CELF1: variants seen among roughly 807,000 people sequenced by gnomAD.
CELF1 encodes the protein 50 kDa nuclear polyadenylated RNA-binding protein.
In CELF1, 10 loss-of-function variants were observed where a neutral mutation model predicts 61.8. The observed-to-expected ratio is 0.16, with a 90% CI of 0.10 to 0.27. The LOEUF is 0.27. Ranked by LOEUF, CELF1 falls within the 10% of genes least tolerant of loss-of-function variation. The pLI is 1.00. For missense variants in CELF1, 380 were observed against 639.1 expected, an observed-to-expected ratio of 0.59 and a Z score of 4.37; for synonymous variants, 236 against 225.1, an observed-to-expected ratio of 1.05 and a Z score of -0.43.
chr11:47,475,475 A>G lies in CELF1; in HGVS notation c.1134T>C (p.Asn378=). 1 of 1,614,066 alleles carries G rather than the reference A, an allele frequency of 6.2e-7. No individual in the cohort carries two copies. The change falls in exon 13 of 15, where the codon AAT becomes AAC. Residue 378 remains asparagine (N), a synonymous_variant. Transcript: ENST00000687097. Reference sequence around the variant, plus strand: ...GGGCCTCCATGGTGCTCCCGGTGCCATTGGAAAGGCCACTGCTGCCCAGGC... The same window carrying G: ...GGGCCTCCATGGTGCTCCCGGTGCCGTTGGAAAGGCCACTGCTGCCCAGGC... ...NGGLGSSGLS[N]GTGSTMEALT...
chr11:47,534,146 A>G (rs987393338), intron 1 of CELF1, among the ~76,000 whole-genome samples: 5 of 144,886 alleles, frequency 3.5e-5, no homozygotes, highest in Non-Finnish European at 7.4e-5. Flanking sequence ...CTCCTGCCTC[A>G]GCCTCCGAAG....
intron 6 of CELF1, among the ~76,000 whole-genome samples, chr11:47,484,746 T>C (rs1431446536): frequency 6.6e-6 from 1 of 152,230 alleles, no homozygotes; most frequent in Admixed American, 6.5e-5. Flanking sequence ...TGGCGCGATC[T>C]CGGCTCACCG....
chr11:47,545,865 GTC>G lies in CELF1; in HGVS notation c.-154+7125_-154+7126del, dbSNP rs1162225875. 7.6e-3 allele frequency among the ~76,000 whole-genome samples: 470 copies of G among 61,540 alleles called. 2 individuals carry two copies. The highest frequency in any genetic ancestry group is 0.014 in the Non-Finnish European group (361 of 26,058). 40.4% of individuals were successfully genotyped at this position (61,540 alleles called of 152,430 possible). A position where few individuals can be genotyped will look rare whatever the true frequency, so the allele number is the denominator to read the frequency against. Reference sequence around the variant, plus strand: ...CATATGTATACGTGTGTGTGTGTGTGTCTGCGTGTGTGTGTGTGTGTGTGTGT... The same window carrying G: ...CATATGTATACGTGTGTGTGTGTGTGTGCGTGTGTGTGTGTGTGTGTGTGT... On this transcript the variant is annotated intron_variant, in intron 1 of 14. Transcript: ENST00000687097.
In CELF1 at chr11:47,487,080, A is replaced by C. The variant is rs2087817861; in HGVS notation, c.342+79T>G. On this transcript the variant is annotated intron_variant, in intron 5 of 14. Coordinates refer to ENST00000687097, the MANE Select transcript of CELF1 (RefSeq NM_001376376.1). ...TTACCTTTTCCCCAAAATGGTTTTC[A>C]GTGTGTGTCTGATATGTGTAAGTAT... is the stretch of plus-strand genomic sequence containing the variant. 1.5e-5 allele frequency: 17 copies of C among 1,156,454 alleles called. No homozygotes were observed. The South Asian group carries it at 2.2e-4, about 15-fold the overall frequency. 71.6% of individuals were successfully genotyped at this position (1,156,454 alleles called of 1,614,324 possible).
rs775485231 is a variant in CELF1, at chr11:47,488,955, C to T, written c.141G>A (p.Val47=). The T allele has an allele frequency of 1.2e-6, 2 of 1,612,920 alleles. No homozygotes were observed. The highest frequency in any genetic ancestry group is 1.7e-6 in the Non-Finnish European group (2 of 1,179,518). ...QPDLDAIKMF[V]GQVPRTWSEK... ...CAGACCAGGTCCTTGGAACCTGGCC[C>T]ACAAACATCTTGATAGCATCAAGAT... Residue 47 remains valine (V), a synonymous_variant, in exon 4 of 15, where the codon GTG becomes GTA. Transcript: ENST00000687097.
chr11:47,514,365 G>C (rs536872376), intron 1 of CELF1, among the ~76,000 whole-genome samples: 1 of 152,162 alleles, frequency 6.6e-6, no homozygotes, highest in African/African-American at 2.4e-5. Context: ...CCTAAAGCTT[G>C]ACTCTGCCAA....
rs1292380515 is a variant in CELF1 at position 47,468,493 on chromosome 11, T to C, written c.*3737A>G. On this transcript the variant is annotated 3_prime_UTR_variant, in exon 15 of 15. Transcript: ENST00000687097. ...AAAGCCTAGAAACGGACTGGCTGTG[T>C]GTTCACAGAAATACAAACACCACGC... is the stretch of plus-strand genomic sequence containing the variant. The C allele has an allele frequency of 2.6e-5, 4 of 152,582 alleles. No homozygotes were observed. Among genetic ancestry groups the C allele is most frequent in the Non-Finnish European group, 4.4e-5 (3 of 68,034 alleles). 9.5% of individuals were successfully genotyped at this position (152,582 alleles called of 1,614,324 possible). A position where few individuals can be genotyped will look rare whatever the true frequency, so the allele number is the denominator to read the frequency against.
rs781014720 is a variant in CELF1, at chr11:47,472,056, G to GA, written c.*173dup. 2.8e-6 allele frequency: 2 copies of GA among 713,812 alleles called. No homozygotes were observed. Among genetic ancestry groups the GA allele is most frequent in the East Asian group, 5.0e-5 (2 of 39,860 alleles). 44.2% of individuals were successfully genotyped at this position (713,812 alleles called of 1,614,324 possible). A position where few individuals can be genotyped will look rare whatever the true frequency, so the allele number is the denominator to read the frequency against. ...CACAAACTTGTCCTCTGTACGAAGC[G>GA]AAACTCCCACAGAAGGCAGTAGCCG... On this transcript the variant is annotated 3_prime_UTR_variant, in exon 15 of 15. Transcript: ENST00000687097.
chr11:47,499,241 A>AT, intron 3 of CELF1, among the ~76,000 whole-genome samples: 1 of 152,314 alleles, frequency 6.6e-6, no homozygotes, highest in East Asian at 1.9e-4. Context: ...TATCAAGTGC[A>AT]CCTTTATGTA....
chr11:47,537,693 A>G (rs1322146591), intron 1 of CELF1, among the ~76,000 whole-genome samples: 1 of 152,138 alleles, frequency 6.6e-6, no homozygotes, highest in Non-Finnish European at 1.5e-5. Context: ...TCTTTTTCCT[A>G]TTACTAATCC....
chr11:47,559,025 T>C (rs992342469), intron 2 of CELF1, among the ~76,000 whole-genome samples: 1 of 143,040 alleles, frequency 7.0e-6, no homozygotes, highest in Non-Finnish European at 1.5e-5. Context: ...TTATATATAA[T>C]ATATAATATG....
chr11:47,544,680 G>A (rs72907976), intron 1 of CELF1, among the ~76,000 whole-genome samples: 10,498 of 152,214 alleles, frequency 0.069, 465 homozygotes, highest in Middle Eastern at 0.15. Flanking sequence ...TAGTATACGT[G>A]TTCTGGTAAC....
At chr11:47,488,135 C>T (rs1409761753) in intron 4 of CELF1, among the ~76,000 whole-genome samples, 2 of 152,178 alleles carry the variant, frequency 1.3e-5, no homozygotes, top group Non-Finnish European at 2.9e-5. Context: ...CTTACATTTG[C>T]ACTGTTGGAC....
At chr11:47,504,414 A>G (rs1358961601) in intron 1 of CELF1, among the ~76,000 whole-genome samples, 2 of 151,530 alleles carry the variant, frequency 1.3e-5, no homozygotes, top group South Asian at 2.1e-4. Flanking sequence ...CCATCTCTAC[A>G]AAAAAATACA....
At chr11:47,563,924 G>A (rs1289673178) in intron 2 of CELF1, among the ~76,000 whole-genome samples, 1 of 151,896 alleles carries the variant, frequency 6.6e-6, no homozygotes. Context: ...AGAATTGCTT[G>A]AACCTGGGAG....
At chr11:47,489,935 G>GTTTTTTTTTTTTTGTTTTT (rs2090284100) in intron 3 of CELF1, among the ~76,000 whole-genome samples, 1 of 48,226 alleles carries the variant, frequency 2.1e-5, no homozygotes, top group African/African-American at 7.8e-5. Context: ...ATACCATCTT[G>GTTTTTTTTTTTTTGTTTTT]TTTTTTTTTT....
At chr11:47,543,586 T>C (rs77977823) in intron 1 of CELF1, among the ~76,000 whole-genome samples, 2,993 of 152,248 alleles carry the variant, frequency 0.02, 36 homozygotes, top group Middle Eastern at 0.031. Flanking sequence ...AAGACCAAAG[T>C]TATTTTACAA....
chr11:47,529,645 C>T (rs1004273417), intron 1 of CELF1, among the ~76,000 whole-genome samples: 6 of 151,576 alleles, frequency 4.0e-5, no homozygotes, highest in East Asian at 3.9e-4. Flanking sequence ...GGCAACACAG[C>T]GAGACTCCGA....
At chr11:47,519,366 A>C (rs563964424) in intron 1 of CELF1, among the ~76,000 whole-genome samples, 1 of 152,126 alleles carries the variant, frequency 6.6e-6, no homozygotes, top group Non-Finnish European at 1.5e-5. Flanking sequence ...CTGTAATCCC[A>C]GTTACTTGGG....
Sources: allele counts gnomAD v4.1 joint callset (sites outside exome capture counted in the v4.1 genomes callset), GRCh38; gene constraint gnomAD v4.1.1; transcripts MANE v1.5; gene names NCBI Gene and HGNC (gene_info 2026-07-23, HGNC 2026-07-21).